The following INTS6 variants were observed in gnomAD, a reference collection of about 807,000 sequenced individuals.
The protein encoded by INTS6 is DEAD box protein.
INTS6 carries 16 observed loss-of-function variants against 104.9 expected under a neutral mutation model. The ratio of observed to expected loss-of-function variants is 0.15; its 90% CI spans 0.10 to 0.23. The LOEUF (loss-of-function observed/expected upper bound fraction) is 0.23. Among genes scored for constraint, INTS6 ranks in the 10% least tolerant of loss-of-function variants. The pLI, the probability that INTS6 is intolerant of heterozygous loss-of-function variation, is 1.00. For missense variants in INTS6, 584 were observed against 1,062.8 expected (o/e 0.55, Z 6.26); for synonymous variants, 324 against 358.7 (o/e 0.90, Z 1.09).
At position 51,448,679 on chromosome 13, in the gene INTS6, A is replaced by G. The variant is rs565987002; in HGVS notation, c.339+2346T>C. The G allele has an allele frequency of 3.3e-5, 5 of 152,350 alleles. No individual in the cohort carries two copies. The East Asian group carries it at 7.7e-4, about 24-fold the overall frequency. The allele number at this position is 152,350 out of a possible 1,614,324, so 9.4% of individuals were successfully genotyped here. On this transcript the variant is annotated intron_variant, in intron 3 of 17. Coordinates refer to ENST00000311234, the MANE Select transcript of INTS6 (RefSeq NM_012141.3). ...GATATCTACATAAATATACAAATATATATATTAACCCAGACATTTAAGAAA... is the reference window on the plus strand; with the variant it reads ...GATATCTACATAAATATACAAATATGTATATTAACCCAGACATTTAAGAAA...
the INTS6 span, among the ~76,000 whole-genome samples, chr13:51,345,954 A>G: frequency 6.6e-6 from 1 of 152,166 alleles, no homozygotes; most frequent in South Asian, 2.1e-4. Context: ...CTAGGGTTCT[A>G]TTTCAATGCA....
downstream of INTS6, chr13:51,361,420 T>G (rs1025135620): frequency 2.3e-5 from 25 of 1,070,856 alleles, no homozygotes; most frequent in African/African-American, 3.1e-4. Flanking sequence ...TTTCTGAAAT[T>G]TACCTAGTTG....
chr13:51,359,635 T>C (rs1366960811), downstream of INTS6, among the ~76,000 whole-genome samples: 1 of 152,138 alleles, frequency 6.6e-6, no homozygotes, highest in Non-Finnish European at 1.5e-5. Context: ...CAGACACATT[T>C]ACTGTATTTT....
At position 51,364,215 on chromosome 13, in the gene INTS6, T is replaced by C. The variant is rs757778340; in HGVS notation, c.*1537A>G. 20 of 1,296,722 alleles carry C rather than the reference T, an allele frequency of 1.5e-5. 1 individual carries two copies. The South Asian group carries it at 2.5e-4, about 16-fold the overall frequency. The allele number at this position is 1,296,722 out of a possible 1,614,324, so 80.3% of individuals were successfully genotyped here. The stretch of plus-strand genomic sequence containing the variant: ...CTGCATATGAAAATACTATATAATA[T>C]TAAATTCTTCTTTTTCTTGACAGGG... On this transcript the variant is annotated 3_prime_UTR_variant, in exon 18 of 18. Transcript: ENST00000311234.
In INTS6 at chr13:51,362,137, A is replaced by T. The variant is rs1955590772; in HGVS notation, c.*3615T>A. ...CTCAGCTCATATATAGTTAATGTAG[A>T]TTTTTTTTTTTAATGCTATAGGTTT... On this transcript the variant is annotated 3_prime_UTR_variant, in exon 18 of 18. Coordinates refer to ENST00000311234, the MANE Select transcript of INTS6 (RefSeq NM_012141.3). 1.2e-5 allele frequency: 12 copies of T among 1,026,588 alleles called. No homozygotes were observed. Among genetic ancestry groups the T allele is most frequent in the South Asian group, 7.7e-5 (3 of 38,868 alleles). The allele number at this position is 1,026,588 out of a possible 1,614,324, so 63.6% of individuals were successfully genotyped here. A position where few individuals can be genotyped will look rare whatever the true frequency, so the allele number is the denominator to read the frequency against.
intron 4 of INTS6, among the ~76,000 whole-genome samples, chr13:51,413,527 T>C (rs1444708652): frequency 2.0e-5 from 3 of 152,146 alleles, no homozygotes; most frequent in Non-Finnish European, 2.9e-5. Context: ...AAACTCAAAA[T>C]GAGCAAAAAA....
chr13:51,413,170 T>G (rs1956720999), intron 4 of INTS6, among the ~76,000 whole-genome samples: 1 of 152,098 alleles, frequency 6.6e-6, no homozygotes, highest in South Asian at 2.1e-4. Flanking sequence ...ACTACTTAAT[T>G]ACACACTATG....
chr13:51,447,799 C>T (rs1055116514), intron 3 of INTS6: 2 of 151,466 alleles, frequency 1.3e-5, no homozygotes, highest in African/African-American at 4.9e-5. Context: ...TGGCTCACGC[C>T]TGTAATCCTA....
chr13:51,342,289 C>T, the INTS6 span, among the ~76,000 whole-genome samples: 1 of 152,134 alleles, frequency 6.6e-6, no homozygotes, highest in African/African-American at 2.4e-5. Flanking sequence ...ATTCTTCACC[C>T]TGTGGGTGAG....
At chr13:51,396,217 A>G (rs906700465) in intron 4 of INTS6, among the ~76,000 whole-genome samples, 1 of 152,204 alleles carries the variant, frequency 6.6e-6, no homozygotes, top group Non-Finnish European at 1.5e-5. Context: ...AGCTCTTAAT[A>G]TTTTAAAATA....
At chr13:51,347,249 TGCTGG>T in the INTS6 span, 1 of 1,610,572 alleles carries the variant, frequency 6.2e-7, no homozygotes. Flanking sequence ...GCTCTGCCCC[TGCTGG>T]TTTGTCTAAA....
downstream of INTS6, among the ~76,000 whole-genome samples, chr13:51,360,214 A>G (rs1405195067): frequency 1.3e-5 from 2 of 151,996 alleles, no homozygotes; most frequent in Non-Finnish European, 2.9e-5. Context: ...CTCACACAAT[A>G]TGTGTTCATC....
Position 51,361,598 on chromosome 13 carries a change from T to C in INTS6, c.*4154A>G. On this transcript the variant is annotated 3_prime_UTR_variant, in exon 18 of 18. Coordinates refer to ENST00000311234, the MANE Select transcript of INTS6 (RefSeq NM_012141.3). Reference sequence around the variant, plus strand: ...AAAGTTACCTTCAATAAGGAATTTATTCCATGGAATGTGTTGAAAACAGGA... The same window carrying C: ...AAAGTTACCTTCAATAAGGAATTTACTCCATGGAATGTGTTGAAAACAGGA... 2 of 589,392 alleles carry C rather than the reference T, an allele frequency of 3.4e-6. No homozygotes were observed. Among genetic ancestry groups the C allele is most frequent in the African/African-American group, 1.9e-5 (1 of 53,558 alleles). The allele number at this position is 589,392 out of a possible 1,614,324, so 36.5% of individuals were successfully genotyped here. A position where few individuals can be genotyped will look rare whatever the true frequency, so the allele number is the denominator to read the frequency against.
At position 51,364,928 on chromosome 13, in the gene INTS6, C is replaced by T. The variant is rs1039997260; in HGVS notation, c.*824G>A. 1.3e-5 allele frequency: 2 copies of T among 152,380 alleles called. No homozygotes were observed. The highest frequency in any genetic ancestry group is 2.9e-5 in the Non-Finnish European group (2 of 67,972). 9.4% of individuals were successfully genotyped at this position (152,380 alleles called of 1,614,324 possible). The stretch of plus-strand genomic sequence containing the variant: ...GTTGAAGTAAGGAAACCAATAATAT[C>T]CAAAGTTGTTTGCTTTTTAAATAGC... On this transcript the variant is annotated 3_prime_UTR_variant, in exon 18 of 18. Transcript: ENST00000311234.
downstream of INTS6, among the ~76,000 whole-genome samples, chr13:51,357,983 G>GTTA (rs1955506233): frequency 1.3e-5 from 2 of 152,152 alleles, no homozygotes; most frequent in Non-Finnish European, 1.5e-5. Context: ...GAGTATGGAA[G>GTTA]TTATGTAAGT....
At chr13:51,368,842 GT>G in intron 16 of INTS6, 96 bp downstream of exon 16, 1 of 1,219,092 alleles carries the variant, frequency 8.2e-7, no homozygotes. Flanking sequence ...AGAATCATAT[GT>G]ATTCTTTTAC....
chr13:51,354,472 G>A (rs568639049), intron 3 of INTS6: 1 of 152,040 alleles, frequency 6.6e-6, no homozygotes, highest in South Asian at 2.1e-4. Context: ...CAAATGAATT[G>A]GAGCCTGGCA....
intron 12 of INTS6, 110 bp from the exon 13 acceptor site, chr13:51,376,284 G>T: frequency 1.3e-6 from 1 of 783,508 alleles, no homozygotes; most frequent in Non-Finnish European, 1.8e-6. Flanking sequence ...AAACTGGTTA[G>T]CTTAAAAAAA....
chr13:51,368,026 C>T lies in INTS6; in HGVS notation c.2477-128G>A, dbSNP rs148191372. On this transcript the variant is annotated intron_variant, in intron 16 of 17. Transcript: ENST00000311234. Reference sequence around the variant, plus strand: ...AAAACATTCTACATAAAAATTTCACCACTCATTAGAGATTTTATATTTTAA... The same window carrying T: ...AAAACATTCTACATAAAAATTTCACTACTCATTAGAGATTTTATATTTTAA... 1.3e-3 allele frequency: 645 copies of T among 513,970 alleles called. 3 individuals are homozygous for T. The highest frequency in any genetic ancestry group is 0.012 in the African/African-American group (588 of 49,682). 31.8% of individuals were successfully genotyped at this position (513,970 alleles called of 1,614,324 possible).
Sources: allele counts gnomAD v4.1 joint callset (sites outside exome capture counted in the v4.1 genomes callset), GRCh38; gene constraint gnomAD v4.1.1; transcripts MANE v1.5; gene names NCBI Gene and HGNC (gene_info 2026-07-23, HGNC 2026-07-21).